Variants in FGD4 observed in about 807,000 individuals in gnomAD.
FGD4 encodes FYVE, RhoGEF and PH domain-containing protein 4.
A neutral mutation model predicts 102.0 loss-of-function variants in FGD4; 42 were observed. That is an observed-to-expected ratio of 0.41 (90% CI 0.32 to 0.53). The LOEUF (loss-of-function observed/expected upper bound fraction) is 0.53. Among genes scored for constraint, FGD4 ranks in the 20% least tolerant of loss-of-function variants. The pLI, the probability that FGD4 is intolerant of heterozygous loss-of-function variation, is 0.21. For synonymous variants in FGD4, 380 were observed against 375.7 expected (o/e 1.01, Z -0.13); for missense variants, 902 against 1,078.2 (o/e 0.84, Z 2.29).
At chr12:32,443,715 A>AT (rs1419218962) in intron 1 of FGD4, among the ~76,000 whole-genome samples, 15 of 150,886 alleles carry the variant, frequency 9.9e-5, no homozygotes, top group Admixed American at 3.3e-4. Flanking sequence ...AGAAGCCCTA[A>AT]TTTTTTTGTA....
intron 2 of FGD4, among the ~76,000 whole-genome samples, chr12:32,567,537 G>A (rs924914558): frequency 6.6e-6 from 1 of 151,910 alleles, no homozygotes; most frequent in Admixed American, 6.6e-5. Context: ...TGCAATGCAC[G>A]GGACAGTCCA....
At chr12:32,447,546 A>T (rs1281035742) in intron 1 of FGD4, among the ~76,000 whole-genome samples, 1 of 152,212 alleles carries the variant, frequency 6.6e-6, no homozygotes, top group Non-Finnish European at 1.5e-5. Flanking sequence ...TATTTACAGT[A>T]TCATGTTGTA....
At chr12:32,626,202 T>C (rs1254232183) in intron 14 of FGD4, among the ~76,000 whole-genome samples, 2 of 152,164 alleles carry the variant, frequency 1.3e-5, no homozygotes, top group African/African-American at 4.8e-5. Context: ...CCCAGCACTT[T>C]GGGAGGCCGA....
intron 7 of FGD4, 76 bp from the exon 8 acceptor site, chr12:32,607,881 G>T: frequency 6.4e-7 from 1 of 1,560,598 alleles, no homozygotes; most frequent in East Asian, 2.2e-5. Context: ...CTTGACGAAA[G>T]TTCTGTTTTA....
intron 7 of FGD4, 121 bp downstream of exon 7, chr12:32,602,438 C>A: frequency 8.8e-7 from 1 of 1,134,688 alleles, no homozygotes; most frequent in Non-Finnish European, 1.3e-6. Flanking sequence ...ATTCATTCTA[C>A]TCCAAATTAT....
In FGD4 at chr12:32,582,345, G is replaced by A; in HGVS notation, c.889G>A (p.Gly297Ser). Residue 297 changes from glycine to serine, a missense_variant, in exon 4 of 17, where the codon GGC (glycine) becomes AGC (serine). By Grantham distance (56) the Gly-to-Ser change is moderately conservative. Coordinates refer to ENST00000534526, the MANE Select transcript of FGD4 (RefSeq NM_001370298.3). ...TTCTGACAGTAGCTACAGGACTCCA[G>A]GCATAGGCCCAGTGCTCCCCCTAGA... ...NASDSSYRTP[G>S]IGPVLPLEER... 6.2e-7 allele frequency: 1 copy of A among 1,614,186 alleles called. No individual in the cohort carries two copies. The highest frequency in any genetic ancestry group is 1.1e-5 in the South Asian group (1 of 91,088).
intron 2 of FGD4, among the ~76,000 whole-genome samples, chr12:32,566,046 A>C (rs1292640283): frequency 6.6e-6 from 1 of 152,184 alleles, no homozygotes; most frequent in Non-Finnish European, 1.5e-5. Context: ...GCTTATAAAC[A>C]ATAGAAATGT....
At position 32,640,681 on chromosome 12, in the gene FGD4, T is replaced by A; in HGVS notation, c.*148T>A. On this transcript the variant is annotated 3_prime_UTR_variant, in exon 17 of 17. Transcript: ENST00000534526. ...TGAGGACTATTTTCCTATGTTTATGTACTCTTAGTGAAATTAGTGTGCAGA... is the reference window on the plus strand; with the variant it reads ...TGAGGACTATTTTCCTATGTTTATGAACTCTTAGTGAAATTAGTGTGCAGA... 2 of 1,091,992 alleles carry A rather than the reference T, an allele frequency of 1.8e-6. No homozygotes were observed. Among genetic ancestry groups the A allele is most frequent in the Non-Finnish European group, 1.3e-6 (1 of 753,390 alleles). The allele number at this position is 1,091,992 out of a possible 1,614,324, so 67.6% of individuals were successfully genotyped here.
intron 1 of FGD4, among the ~76,000 whole-genome samples, chr12:32,541,996 C>T (rs1942875402): frequency 6.6e-6 from 1 of 152,174 alleles, no homozygotes; most frequent in African/African-American, 2.4e-5. Flanking sequence ...ATAAACATCA[C>T]CTTGCGTTTC....
chr12:32,598,209 G>C (rs1210167608), intron 4 of FGD4, among the ~76,000 whole-genome samples: 1 of 152,196 alleles, frequency 6.6e-6, no homozygotes, highest in Admixed American at 6.5e-5. Flanking sequence ...GAAAAATGAA[G>C]AAAGATAATG....
intron 1 of FGD4, among the ~76,000 whole-genome samples, chr12:32,556,347 C>G (rs1299405088): frequency 1.3e-5 from 2 of 152,156 alleles, no homozygotes; most frequent in South Asian, 2.1e-4. Flanking sequence ...ACATTCACCA[C>G]TATCATCCAC....
chr12:32,435,276 A>G (rs529348517), intron 1 of FGD4, among the ~76,000 whole-genome samples: 4 of 151,926 alleles, frequency 2.6e-5, no homozygotes, highest in African/African-American at 9.6e-5. Flanking sequence ...AAATGAAACT[A>G]GTTGAGAGAT....
rs34078307 is a variant in FGD4, at chr12:32,401,726, C to CTTTT, written c.166+1783_166+1786dup. ...AGCTCTGCTTTTTCTCTTTTCCATT[C>CTTTT]TTTTTTTTTTTTTTTTTTTGAGACG... On this transcript the variant is annotated intron_variant, in intron 1 of 16. Coordinates refer to ENST00000534526, the MANE Select transcript of FGD4 (RefSeq NM_001370298.3). Among the ~76,000 whole-genome samples, 311 of 113,560 alleles carry CTTTT rather than the reference C, an allele frequency of 2.7e-3. 11 individuals are homozygous for CTTTT. The South Asian group carries it at 0.038, about 14-fold the overall frequency. 74.5% of individuals were successfully genotyped at this position (113,560 alleles called of 152,430 possible).
intron 11 of FGD4, among the ~76,000 whole-genome samples, chr12:32,621,614 AC>A (rs778524839): frequency 6.6e-6 from 1 of 152,230 alleles, no homozygotes; most frequent in Non-Finnish European, 1.5e-5. Flanking sequence ...TGGTGAATTT[AC>A]AGTTTTGGAA....
chr12:32,478,240 T>G (rs1943632507), intron 1 of FGD4, among the ~76,000 whole-genome samples: 1 of 152,184 alleles, frequency 6.6e-6, no homozygotes, highest in South Asian at 2.1e-4. Flanking sequence ...AGTATTGAAA[T>G]AACTTAAATA....
intron 4 of FGD4, among the ~76,000 whole-genome samples, chr12:32,585,254 ATATG>A (rs1289759376): frequency 3.7e-5 from 5 of 135,802 alleles, no homozygotes; most frequent in Admixed American, 7.5e-5. Flanking sequence ...ATATATATAT[ATATG>A]TATATCTTAA....
At chr12:32,534,686 G>A (rs565038685) in intron 1 of FGD4, among the ~76,000 whole-genome samples, 151 of 152,294 alleles carry the variant, frequency 9.9e-4, no homozygotes, top group Non-Finnish European at 1.8e-3. Context: ...TCTCCAGGAG[G>A]CTTCTTCTGG....
intron 4 of FGD4, chr12:32,583,104 AG>A (rs1435111422): frequency 6.6e-6 from 1 of 152,534 alleles, no homozygotes; most frequent in Non-Finnish European, 1.5e-5. Context: ...TGCGGGGCCA[AG>A]GCAGGAAGAA....
rs1405819417 is a variant in FGD4 at position 32,399,583 on chromosome 12, C to G, written c.-211C>G. 2.4e-6 allele frequency: 3 copies of G among 1,253,654 alleles called. No individual in the cohort carries two copies. Among genetic ancestry groups the G allele is most frequent in the Non-Finnish European group, 3.2e-6 (3 of 950,192 alleles). The allele number at this position is 1,253,654 out of a possible 1,614,324, so 77.7% of individuals were successfully genotyped here. A position where few individuals can be genotyped will look rare whatever the true frequency, so the allele number is the denominator to read the frequency against. On this transcript the variant is annotated 5_prime_UTR_variant, in exon 1 of 17. Coordinates refer to ENST00000534526, the MANE Select transcript of FGD4 (RefSeq NM_001370298.3). ...GCAGATACCGAGACGCTGCGACTGC[C>G]GCAGGAGTCGCCGCAGCCAAACTCG...
Sources: allele counts gnomAD v4.1 joint callset (sites outside exome capture counted in the v4.1 genomes callset), GRCh38; gene constraint gnomAD v4.1.1; transcripts MANE v1.5; gene names NCBI Gene and HGNC (gene_info 2026-07-23, HGNC 2026-07-21).